The following LNX1 variants were observed in gnomAD, a reference collection of about 807,000 sequenced individuals.
The protein encoded by LNX1 is E3 ubiquitin-protein ligase LNX.
A neutral mutation model predicts 68.4 loss-of-function variants in LNX1; 54 were observed. The observed-to-expected ratio is 0.79, with a 90% CI of 0.63 to 0.99. The LOEUF is 0.99. LNX1 is among the 50% of genes least tolerant of loss of function. The pLI is 0.00. For synonymous variants in LNX1, 336 were observed against 350.0 expected (o/e 0.96, Z 0.45); for missense variants, 906 against 926.4 (o/e 0.98, Z 0.29).
At chr4:53,597,253 A>G (rs1732795019) in intron 2 of LNX1, among the ~76,000 whole-genome samples, 1 of 152,178 alleles carries the variant, frequency 6.6e-6, no homozygotes, top group South Asian at 2.1e-4. Context: ...CTGGCAATCC[A>G]TCAATTGATA....
intron 2 of LNX1, among the ~76,000 whole-genome samples, chr4:53,569,358 G>T (rs866222148): frequency 1.8e-5 from 2 of 113,254 alleles, no homozygotes; most frequent in Non-Finnish European, 3.7e-5. Flanking sequence ...AAATAACGCC[G>T]CATATCTACA....
rs766841007 is a variant in LNX1, at chr4:53,461,518, ACCT to A, written c.1965_1967del (p.Gly656del). 1.1e-5 allele frequency: 18 copies of A among 1,611,314 alleles called. No homozygotes were observed. The highest frequency in any genetic ancestry group is 5.5e-5 in the South Asian group (5 of 90,936). Reference sequence around the variant, plus strand: ...GTTTGTTTCCATTGTATTCTTCATAACCTCCTACAATGCAGAAGCCCAGACTTC... The same window carrying A: ...GTTTGTTTCCATTGTATTCTTCATAACCTACAATGCAGAAGCCCAGACTTC... On this transcript the variant is annotated inframe_deletion, in exon 10 of 11. Transcript: ENST00000263925.
At position 53,460,899 on chromosome 4, in the gene LNX1, C is replaced by T. The variant is rs748710539; in HGVS notation, c.*8G>A. 45 of 1,607,502 alleles carry T rather than the reference C, an allele frequency of 2.8e-5. No homozygotes were observed. The highest frequency in any genetic ancestry group is 2.5e-5 in the Non-Finnish European group (29 of 1,177,508). ...ATTTTTCTGTTTTCCTCTGACCCATCATTGATTCTATAAAAAAGTGCCAGG... is the reference window on the plus strand; with the variant it reads ...ATTTTTCTGTTTTCCTCTGACCCATTATTGATTCTATAAAAAAGTGCCAGG... On this transcript the variant is annotated 3_prime_UTR_variant, in exon 11 of 11. Coordinates refer to ENST00000263925, the MANE Select transcript of LNX1 (RefSeq NM_001126328.3).
intron 2 of LNX1, among the ~76,000 whole-genome samples, chr4:53,529,740 C>A (rs1727887216): frequency 1.3e-5 from 2 of 152,172 alleles, no homozygotes; most frequent in Admixed American, 1.3e-4. Context: ...GAACTTATTA[C>A]ACAGTGCAGG....
intron 2 of LNX1, among the ~76,000 whole-genome samples, chr4:53,513,903 C>G (rs961830473): frequency 1.3e-5 from 2 of 152,222 alleles, no homozygotes; most frequent in African/African-American, 4.8e-5. Flanking sequence ...TATTTTCTGT[C>G]TGTTGTGACT....
intron 5 of LNX1, among the ~76,000 whole-genome samples, chr4:53,498,333 G>A (rs1579414504): frequency 6.6e-6 from 1 of 152,082 alleles, no homozygotes. Flanking sequence ...GGTGGAGAAA[G>A]GGAATGAAGA....
At chr4:53,466,806 T>A (rs1457143225) in intron 9 of LNX1, among the ~76,000 whole-genome samples, 1 of 152,198 alleles carries the variant, frequency 6.6e-6, no homozygotes, top group Non-Finnish European at 1.5e-5. Context: ...TTGCCCAGGC[T>A]TGAGTAGGTA....
At chr4:53,565,012 C>T (rs9654328) in intron 2 of LNX1, among the ~76,000 whole-genome samples, 1,989 of 152,252 alleles carry the variant, frequency 0.013, 48 homozygotes, top group African/African-American at 0.044. Context: ...CACGGAGTCT[C>T]GCTGATTGCT....
At chr4:53,501,311 G>GGGGAA (rs1553932778) in intron 4 of LNX1, among the ~76,000 whole-genome samples, 1 of 55,694 alleles carries the variant, frequency 1.8e-5, no homozygotes, top group Non-Finnish European at 3.6e-5. Context: ...GGGGTGGGGG[G>GGGGAA]ACAGGATCTC....
At chr4:53,571,512 G>A (rs1431414768) in intron 2 of LNX1, among the ~76,000 whole-genome samples, 1 of 152,078 alleles carries the variant, frequency 6.6e-6, no homozygotes, top group Non-Finnish European at 1.5e-5. Context: ...GAGGCCACGA[G>A]CCAAGGAAGA....
intron 2 of LNX1, among the ~76,000 whole-genome samples, chr4:53,551,825 C>T (rs151101975): frequency 1.3e-5 from 2 of 152,158 alleles, no homozygotes; most frequent in Non-Finnish European, 2.9e-5. Context: ...TCTCACCCTG[C>T]CTTATGACCC....
chr4:53,482,201 G>GCTTTACTTTACT (rs1723961185), intron 6 of LNX1, among the ~76,000 whole-genome samples: 1 of 152,142 alleles, frequency 6.6e-6, no homozygotes, highest in African/African-American at 2.4e-5. Context: ...GATAGAATTA[G>GCTTTACTTTACT]GTGCACTGTG....
intron 1 of LNX1, among the ~76,000 whole-genome samples, chr4:53,584,667 C>T (rs1732054549): frequency 6.6e-6 from 1 of 152,156 alleles, no homozygotes; most frequent in South Asian, 2.1e-4. Context: ...CATATGACGA[C>T]CTCTATGTGA....
At chr4:53,594,531 T>C (rs1211209863), upstream of LNX1, among the ~76,000 whole-genome samples, 1 of 152,152 alleles carries the variant, frequency 6.6e-6, no homozygotes, top group African/African-American at 2.4e-5. Flanking sequence ...CCTGGACATA[T>C]AGTGCTCCAT....
chr4:53,584,476 G>A (rs1481644953), intron 1 of LNX1, among the ~76,000 whole-genome samples: 1 of 152,194 alleles, frequency 6.6e-6, no homozygotes, highest in Non-Finnish European at 1.5e-5. Context: ...ACAAGCTTTG[G>A]AGGAGAGACA....
chr4:53,503,642 A>C (rs1725656920), intron 4 of LNX1, among the ~76,000 whole-genome samples: 1 of 152,220 alleles, frequency 6.6e-6, no homozygotes, highest in Non-Finnish European at 1.5e-5. Context: ...GAGTAGATTT[A>C]GCATAATTCT....
At chr4:53,584,130 TTATG>T (rs1331359396) in intron 1 of LNX1, among the ~76,000 whole-genome samples, 2 of 152,194 alleles carry the variant, frequency 1.3e-5, no homozygotes, top group African/African-American at 4.8e-5. Context: ...CAAAAAGTGT[TTATG>T]TGTGTATGGT....
chr4:53,472,703 A>AC (rs1357741967), intron 9 of LNX1, among the ~76,000 whole-genome samples: 23 of 131,690 alleles, frequency 1.7e-4, no homozygotes, highest in East Asian at 6.0e-4. Context: ...AAAAAAACAA[A>AC]AAACAATGGG....
intron 7 of LNX1, among the ~76,000 whole-genome samples, chr4:53,479,727 T>C (rs951315656): frequency 1.3e-5 from 2 of 152,248 alleles, no homozygotes; most frequent in African/African-American, 4.8e-5. Flanking sequence ...TATGGTAAAA[T>C]AGTTTAAGCT....
Sources: gnomAD v4.1 joint callset for allele counts (sites outside exome capture counted in the v4.1 genomes callset) on GRCh38, gnomAD v4.1.1 for gene constraint, MANE v1.5 for transcripts, NCBI Gene and HGNC (gene_info 2026-07-23, HGNC 2026-07-21) for gene names.